Variants in SOX6 observed in about 807,000 individuals in gnomAD.
SOX6 encodes the protein transcription factor SOX-6.
In SOX6, 11 loss-of-function variants were observed where a neutral mutation model predicts 97.8. That is an observed-to-expected ratio of 0.11 (90% CI 0.07 to 0.19). The LOEUF (loss-of-function observed/expected upper bound fraction) is 0.19. Among genes scored for constraint, SOX6 ranks in the 10% least tolerant of loss-of-function variants. SOX6 has a pLI of 1.00. For missense variants in SOX6, 810 were observed against 1,039.5 expected (o/e 0.78, Z 3.04); for synonymous variants, 360 against 371.4 (o/e 0.97, Z 0.35).
chr11:16,182,082 A>G (rs1851361313), intron 6 of SOX6, among the ~76,000 whole-genome samples: 1 of 151,818 alleles, frequency 6.6e-6, no homozygotes, highest in Non-Finnish European at 1.5e-5. Flanking sequence ...AATTTATACT[A>G]CACAATCATA....
Position 16,049,953 on chromosome 11 carries a change from C to A in SOX6, c.1252-15G>T. 6.2e-7 allele frequency: 1 copy of A among 1,612,866 alleles called. No individual in the cohort carries two copies. Among genetic ancestry groups the A allele is most frequent in the Non-Finnish European group, 8.5e-7 (1 of 1,179,114 alleles). ...GCTGCTTCATCCTACAAGAGTTTAA[C>A]GTAAATAATTATTTTTACAAAAGAC... On this transcript the variant is annotated splice_polypyrimidine_tract_variant and intron_variant, in intron 10 of 15. Transcript: ENST00000683767.
chr11:16,736,648 T>C (rs1013141496), intron 1 of SOX6, among the ~76,000 whole-genome samples: 4 of 152,228 alleles, frequency 2.6e-5, no homozygotes, highest in Non-Finnish European at 5.9e-5. Flanking sequence ...TTTGGTAATA[T>C]AGCTAATAGT....
Position 16,055,747 on chromosome 11 carries a change from T to G in SOX6, c.1251+5A>C. Reference sequence around the variant, plus strand: ...TGTTTCCACAATGCTGCAAGGCGAGTGTACCTTAACTTGAGTTACAGGGCT... The same window carrying G: ...TGTTTCCACAATGCTGCAAGGCGAGGGTACCTTAACTTGAGTTACAGGGCT... On this transcript the variant is annotated splice_donor_5th_base_variant and intron_variant, in intron 10 of 15. Coordinates refer to ENST00000683767, the MANE Select transcript of SOX6 (RefSeq NM_001367873.1). The G allele has an allele frequency of 6.2e-7, 1 of 1,613,514 alleles. No homozygotes were observed. The highest frequency in any genetic ancestry group is 8.5e-7 in the Non-Finnish European group (1 of 1,179,682).
chr11:16,712,740 T>A (rs1848191174), intron 3 of SOX6, among the ~76,000 whole-genome samples: 1 of 152,232 alleles, frequency 6.6e-6, no homozygotes. Flanking sequence ...CCTTGTTTGT[T>A]CCTTATGGCA....
chr11:16,267,253 A>G (rs1457476854), intron 3 of SOX6, among the ~76,000 whole-genome samples: 2 of 151,602 alleles, frequency 1.3e-5, no homozygotes, highest in Non-Finnish European at 3.0e-5. Context: ...CAGAGTGAAG[A>G]CAATCTACAA....
intron 6 of SOX6, among the ~76,000 whole-genome samples, chr11:16,164,292 A>G (rs1589987734): frequency 6.6e-6 from 1 of 152,188 alleles, no homozygotes; most frequent in South Asian, 2.1e-4. Context: ...ATAGACATTA[A>G]CTATACCTTG....
chr11:16,257,972 G>T (rs1332283070), intron 3 of SOX6, among the ~76,000 whole-genome samples: 4 of 138,260 alleles, frequency 2.9e-5, no homozygotes, highest in Non-Finnish European at 6.3e-5. Context: ...TATATTATTA[G>T]AGATATCACT....
At chr11:16,086,592 C>T (rs1029821531) in intron 9 of SOX6, among the ~76,000 whole-genome samples, 9 of 152,214 alleles carry the variant, frequency 5.9e-5, no homozygotes, top group Non-Finnish European at 1.2e-4. Flanking sequence ...GAGTGCATCC[C>T]AGACTAGGGA....
At chr11:16,238,277 A>G (rs1007835442) in intron 3 of SOX6, among the ~76,000 whole-genome samples, 2 of 152,004 alleles carry the variant, frequency 1.3e-5, no homozygotes, top group African/African-American at 4.8e-5. Flanking sequence ...CCCTTTTCAA[A>G]TTAAAGCTTT....
intron 4 of SOX6, among the ~76,000 whole-genome samples, chr11:16,485,373 G>A (rs779270812): frequency 5.3e-5 from 8 of 152,110 alleles, no homozygotes; most frequent in Non-Finnish European, 1.2e-4. Flanking sequence ...GTCGTTTAAG[G>A]TGAGGAGTTC....
intron 6 of SOX6, among the ~76,000 whole-genome samples, chr11:16,158,908 T>C (rs1261003786): frequency 6.6e-6 from 1 of 150,968 alleles, no homozygotes; most frequent in African/African-American, 2.4e-5. Flanking sequence ...ATCTGTGTGT[T>C]TGTTATCTTT....
intron 4 of SOX6, among the ~76,000 whole-genome samples, chr11:16,569,868 C>CAAAAAAAAAAAAAAAAAAAAAAAAAAAAA (rs34604334): frequency 1.3e-4 from 11 of 84,790 alleles, no homozygotes; most frequent in South Asian, 5.5e-4. Context: ...GACTCCGTCT[C>CAAAAAAAAAAAAAAAAAAAAAAAAAAAAA]AAAAAAAAAA....
At chr11:16,193,552 T>C (rs1290479530) in intron 4 of SOX6, among the ~76,000 whole-genome samples, 1 of 152,186 alleles carries the variant, frequency 6.6e-6, no homozygotes, top group Non-Finnish European at 1.5e-5. Flanking sequence ...TCGGACTTAA[T>C]GAAATTATAA....
intron 6 of SOX6, among the ~76,000 whole-genome samples, chr11:16,169,047 A>G (rs1417974902): frequency 6.6e-6 from 1 of 152,148 alleles, no homozygotes. Context: ...TAATTTTTCT[A>G]TATTAAAAAG....
intron 15 of SOX6, among the ~76,000 whole-genome samples, chr11:15,983,149 G>T (rs1853722466): frequency 6.6e-6 from 1 of 151,926 alleles, no homozygotes; most frequent in South Asian, 2.1e-4. Flanking sequence ...TACAAAGCCA[G>T]ATACATACAT....
chr11:16,716,689 A>G (rs1016227181), intron 2 of SOX6, among the ~76,000 whole-genome samples: 24 of 152,206 alleles, frequency 1.6e-4, no homozygotes, highest in African/African-American at 5.8e-4. Flanking sequence ...CAACTCACAT[A>G]CCCATCAACA....
chr11:16,118,332 A>G (rs1290083200), intron 6 of SOX6, among the ~76,000 whole-genome samples: 1 of 152,268 alleles, frequency 6.6e-6, no homozygotes, highest in Non-Finnish European at 1.5e-5. Context: ...TTGATCAAAT[A>G]GGCTACATGC....
chr11:16,346,549 T>C (rs923619428), intron 1 of SOX6, among the ~76,000 whole-genome samples: 1 of 152,010 alleles, frequency 6.6e-6, no homozygotes, highest in Non-Finnish European at 1.5e-5. Flanking sequence ...CACCACCTCC[T>C]CTCCCCCAAT....
At chr11:16,637,413 G>A (rs1039732405) in intron 3 of SOX6, among the ~76,000 whole-genome samples, 6 of 152,088 alleles carry the variant, frequency 3.9e-5, no homozygotes, top group Admixed American at 1.3e-4. Flanking sequence ...TAGAGATGGG[G>A]TTTCACCATG....
Sources: gnomAD v4.1 joint callset for allele counts (sites outside exome capture counted in the v4.1 genomes callset) on GRCh38, gnomAD v4.1.1 for gene constraint, MANE v1.5 for transcripts, NCBI Gene and HGNC (gene_info 2026-07-23, HGNC 2026-07-21) for gene names.